The following OSBPL5 variants were observed in gnomAD, a reference collection of about 807,000 sequenced individuals.
OSBPL5 encodes oxysterol-binding protein-related protein 5.
A neutral mutation model predicts 111.2 loss-of-function variants in OSBPL5; 71 were observed. The observed-to-expected ratio is 0.64, with a 90% CI of 0.53 to 0.78. The LOEUF (loss-of-function observed/expected upper bound fraction) is 0.78. Ranked by LOEUF, OSBPL5 falls within the 30% of genes least tolerant of loss-of-function variation. The probability of loss-of-function intolerance (pLI) is 0.00; values close to 1 mark genes in which losing one functional copy is unlikely to be tolerated. For missense variants in OSBPL5, 1,210 were observed against 1,189.3 expected (o/e 1.02, Z -0.26); for synonymous variants, 549 against 513.9 (o/e 1.07, Z -0.93).
intron 7 of OSBPL5, among the ~76,000 whole-genome samples, chr11:3,117,203 T>C (rs191991770): frequency 6.6e-6 from 1 of 152,332 alleles, no homozygotes; most frequent in East Asian, 1.9e-4. Flanking sequence ...GGACTCAAAC[T>C]TGACTTATGG....
chr11:3,147,148 G>A (rs1201135848), intron 1 of OSBPL5, among the ~76,000 whole-genome samples: 1 of 151,884 alleles, frequency 6.6e-6, no homozygotes, highest in Non-Finnish European at 1.5e-5. Context: ...GGGCGGGTGG[G>A]AGGGCTGCAA....
rs1041020382 is a variant in OSBPL5, at chr11:3,140,684, G to T, written c.-21-11515C>A. ...CAGCTCACATTACCCAGGACTGGCT[G>T]TAGGAGCCTTGTTTCCAAGACCAGA... On this transcript the variant is annotated intron_variant, in intron 1 of 21. Transcript: ENST00000263650. The surrounding 1 kb of genome is among the most constrained non-coding windows in gnomAD (Gnocchi z 4.5). 1.3e-5 allele frequency among the ~76,000 whole-genome samples: 2 copies of T among 152,192 alleles called. No individual in the cohort carries two copies. Among genetic ancestry groups the T allele is most frequent in the Admixed American group, 1.3e-4 (2 of 15,280 alleles).
chr11:3,091,690 C>T (rs1857060168), intron 19 of OSBPL5, among the ~76,000 whole-genome samples: 1 of 152,168 alleles, frequency 6.6e-6, no homozygotes, highest in African/African-American at 2.4e-5. Flanking sequence ...GAGGCTTCTT[C>T]CCTAGTCCCT....
intron 14 of OSBPL5, among the ~76,000 whole-genome samples, chr11:3,098,178 A>C (rs73413577): frequency 0.021 from 3,163 of 152,138 alleles, 106 homozygotes; most frequent in African/African-American, 0.072. Flanking sequence ...AACTCAGTGG[A>C]TGAGTTACAC....
intron 6 of OSBPL5, 99 bp from the exon 7 acceptor site, chr11:3,119,730 C>A (rs781320878): frequency 2.0e-5 from 24 of 1,195,152 alleles, no homozygotes; most frequent in Non-Finnish European, 2.8e-5. Flanking sequence ...CTGGGACCAC[C>A]TGGACACCCC....
chr11:3,123,293 G>A (rs1045882457), intron 3 of OSBPL5, among the ~76,000 whole-genome samples: 2 of 152,210 alleles, frequency 1.3e-5, no homozygotes, highest in African/African-American at 4.8e-5. Flanking sequence ...CCCGAATCCT[G>A]CCTGCTGCCT....
intron 1 of OSBPL5, among the ~76,000 whole-genome samples, chr11:3,150,062 A>G (rs1846525409): frequency 1.3e-5 from 2 of 152,144 alleles, no homozygotes; most frequent in African/African-American, 4.8e-5. Context: ...ACACACACGT[A>G]CACACACACA....
chr11:3,097,096 G>A (rs1857295124), intron 14 of OSBPL5, among the ~76,000 whole-genome samples: 2 of 151,304 alleles, frequency 1.3e-5, no homozygotes, highest in Non-Finnish European at 3.0e-5. Context: ...GAGGAAAGAG[G>A]GGGAAGATGG....
intron 10 of OSBPL5, among the ~76,000 whole-genome samples, chr11:3,103,847 C>CA (rs1857586670): frequency 1.3e-4 from 9 of 71,638 alleles, no homozygotes; most frequent in East Asian, 9.4e-4. Flanking sequence ...TCTGCAGCCC[C>CA]TTTCCAGTCT....
rs770145725 is a variant in OSBPL5 at position 3,104,163 on chromosome 11, G to A, written c.1244+30C>T. On this transcript the variant is annotated intron_variant, in intron 10 of 21. Transcript: ENST00000263650. The surrounding 1 kb of genome is among the most constrained non-coding windows in gnomAD (Gnocchi z 5.0). ...GTCTCATGCAGATGCAGGACGAGGT[G>A]TGGGGTGCCCCTCCCGGCATGGCGC... 30 of 1,583,890 alleles carry A rather than the reference G, an allele frequency of 1.9e-5. No homozygotes were observed. The highest frequency in any genetic ancestry group is 2.5e-5 in the Non-Finnish European group (29 of 1,159,856).
intron 1 of OSBPL5, among the ~76,000 whole-genome samples, chr11:3,147,365 A>T (rs942823506): frequency 6.6e-6 from 1 of 152,142 alleles, no homozygotes; most frequent in East Asian, 1.9e-4. Flanking sequence ...CTGCTGGCCG[A>T]CCTGGCTTGA....
At chr11:3,157,245 C>T (rs559413177) in intron 1 of OSBPL5, among the ~76,000 whole-genome samples, 6 of 152,276 alleles carry the variant, frequency 3.9e-5, no homozygotes, top group East Asian at 1.9e-4. Flanking sequence ...GTGGGCCTTG[C>T]GGGGCCCAGA....
intron 1 of OSBPL5, among the ~76,000 whole-genome samples, chr11:3,156,687 C>A (rs1338098238): frequency 6.6e-6 from 1 of 152,232 alleles, no homozygotes; most frequent in Non-Finnish European, 1.5e-5. Flanking sequence ...TTAGATCTTT[C>A]ACAATCATTC....
At position 3,103,450 on chromosome 11, in the gene OSBPL5, G is replaced by A. The variant is rs945686143; in HGVS notation, c.1245-130C>T. 18 of 738,242 alleles carry A rather than the reference G, an allele frequency of 2.4e-5. 1 individual carries two copies. The highest frequency in any genetic ancestry group is 1.8e-4 in the South Asian group (10 of 54,458). 45.7% of individuals were successfully genotyped at this position (738,242 alleles called of 1,614,324 possible). On this transcript the variant is annotated intron_variant, in intron 10 of 21. Transcript: ENST00000263650. ...TGGAAACAGGCCACTTGGCCCAGGC[G>A]CTCTGGTCACCCCCAAGCAGGATAA...
chr11:3,151,899 G>A (rs779829417), intron 1 of OSBPL5, among the ~76,000 whole-genome samples: 5 of 152,232 alleles, frequency 3.3e-5, no homozygotes, highest in Non-Finnish European at 7.3e-5. Flanking sequence ...CTGGAGAGGG[G>A]CCCGTTCTCA....
intron 1 of OSBPL5, among the ~76,000 whole-genome samples, chr11:3,138,354 C>A (rs3927056): frequency 6.6e-6 from 1 of 152,108 alleles, no homozygotes; most frequent in African/African-American, 2.4e-5. Flanking sequence ...GCTAGACCCA[C>A]CCCACCTGTC....
chr11:3,114,414 G>C (rs1858127618), intron 7 of OSBPL5, among the ~76,000 whole-genome samples: 1 of 151,904 alleles, frequency 6.6e-6, no homozygotes, highest in Non-Finnish European at 1.5e-5. Flanking sequence ...GGACAAACCA[G>C]AAAGTCCAAG....
rs759329894 is a variant in OSBPL5 at position 3,162,557 on chromosome 11, C to T, written c.-22+2659G>A. Among the ~76,000 whole-genome samples the T allele has an allele frequency of 5.9e-5, 9 of 151,998 alleles. No homozygotes were observed. The highest frequency in any genetic ancestry group is 2.0e-4 in the Admixed American group (3 of 15,256). ...CAACTGTGATGCTAAGAGAACAACG[C>T]GGTCCTTAGTCCAAGTCCTTTGTAC... On this transcript the variant is annotated intron_variant, in intron 1 of 21. Transcript: ENST00000263650. The surrounding 1 kb of genome is among the most constrained non-coding windows in gnomAD (Gnocchi z 8.1).
At position 3,155,775 on chromosome 11, in the gene OSBPL5, C is replaced by T. The variant is rs915822757; in HGVS notation, c.-22+9441G>A. Among the ~76,000 whole-genome samples the T allele has an allele frequency of 4.6e-5, 7 of 152,362 alleles. No individual in the cohort carries two copies. In the South Asian group the frequency reaches 8.3e-4, roughly 18 times the overall value. ...ATTTAACCCAGCTTTGTGGAGATGCCGCGGGTCTGGGGCTTGGCTGGTATT... is the reference window on the plus strand; with the variant it reads ...ATTTAACCCAGCTTTGTGGAGATGCTGCGGGTCTGGGGCTTGGCTGGTATT... On this transcript the variant is annotated intron_variant, in intron 1 of 21. Transcript: ENST00000263650.
Sources: gnomAD v4.1 joint callset for allele counts (sites outside exome capture counted in the v4.1 genomes callset) on GRCh38, gnomAD v4.1.1 for gene constraint, Gnocchi (gnomAD v3.1) non-coding constraint, MANE v1.5 for transcripts, NCBI Gene and HGNC (gene_info 2026-07-23, HGNC 2026-07-21) for gene names.